The following CDH13 variants were observed in gnomAD, a reference collection of about 807,000 sequenced individuals.
CDH13 encodes cadherin 13.
A neutral mutation model predicts 63.8 loss-of-function variants in CDH13; 24 were observed. The ratio of observed to expected loss-of-function variants is 0.38; its 90% confidence interval spans 0.27 to 0.53. The LOEUF (loss-of-function observed/expected upper bound fraction) is 0.53, where lower values mean the gene tolerates loss of function less well. CDH13 is among the 20% of genes least tolerant of loss of function. The pLI, the probability that CDH13 is intolerant of heterozygous loss-of-function variation, is 0.85. For missense variants in CDH13, 1,049 were observed against 903.1 expected (o/e 1.16, Z -2.07); for synonymous variants, 503 against 355.3 (o/e 1.42, Z -4.67).
chr16:83,573,570 C>T (rs1904839542), intron 7 of CDH13, among the ~76,000 whole-genome samples: 1 of 152,110 alleles, frequency 6.6e-6, no homozygotes, highest in Admixed American at 6.5e-5. Context: ...CCTTGGGATC[C>T]TACTTAACAA....
chr16:83,768,011 AT>A (rs1338834266), intron 11 of CDH13, among the ~76,000 whole-genome samples: 5 of 152,216 alleles, frequency 3.3e-5, no homozygotes, highest in African/African-American at 1.2e-4. Context: ...TTAGAAAAAA[AT>A]ATTTTTAATC....
At chr16:83,233,857 T>C (rs1218580849) in intron 5 of CDH13, among the ~76,000 whole-genome samples, 1 of 152,202 alleles carries the variant, frequency 6.6e-6, no homozygotes, top group East Asian at 1.9e-4. Context: ...GAGGTGGGCA[T>C]CTCTGGGGGC....
At chr16:83,241,123 C>T (rs1158710862) in intron 5 of CDH13, among the ~76,000 whole-genome samples, 1 of 152,162 alleles carries the variant, frequency 6.6e-6, no homozygotes, top group Admixed American at 6.5e-5. Flanking sequence ...TTGCATAATG[C>T]ACTTGAGGTT....
intron 8 of CDH13, among the ~76,000 whole-genome samples, chr16:83,625,063 CA>C (rs1314144644): frequency 2.6e-5 from 4 of 152,152 alleles, no homozygotes; most frequent in Non-Finnish European, 5.9e-5. Context: ...ACACAAGCTA[CA>C]AATCAGGGCT....
chr16:83,335,344 A>T lies in CDH13; in HGVS notation c.637-9518A>T, dbSNP rs781562869. 3.9e-5 allele frequency among the ~76,000 whole-genome samples: 6 copies of T among 152,156 alleles called. No individual in the cohort carries two copies. The South Asian group carries it at 1.2e-3, about 32-fold the overall frequency. The stretch of plus-strand genomic sequence containing the variant: ...TTAACTTTTCTTTATCTGGGGGCAA[A>T]TGCTGGCATGTTATTTTTCATGTGC... On this transcript the variant is annotated intron_variant, in intron 5 of 13. Transcript: ENST00000567109.
chr16:83,598,185 G>A (rs889366431), intron 7 of CDH13, among the ~76,000 whole-genome samples: 3 of 152,126 alleles, frequency 2.0e-5, no homozygotes, highest in Non-Finnish European at 4.4e-5. Flanking sequence ...GGGCAACATG[G>A]AGAGACCCTG....
intron 8 of CDH13, among the ~76,000 whole-genome samples, chr16:83,623,015 G>C (rs1424519431): frequency 1.3e-5 from 2 of 152,212 alleles, no homozygotes; most frequent in African/African-American, 4.8e-5. Context: ...CATGACCTAA[G>C]GGAAATGGAC....
At chr16:83,468,749 C>T (rs1255043254) in intron 6 of CDH13, among the ~76,000 whole-genome samples, 1 of 152,118 alleles carries the variant, frequency 6.6e-6, no homozygotes, top group Non-Finnish European at 1.5e-5. Context: ...AATCATCGTC[C>T]TGTGTAAAGT....
At chr16:82,987,626 T>A (rs1038477290) in intron 2 of CDH13, among the ~76,000 whole-genome samples, 1 of 152,130 alleles carries the variant, frequency 6.6e-6, no homozygotes, top group Non-Finnish European at 1.5e-5. Flanking sequence ...ATCTGCCCGC[T>A]TTGGCCTCCC....
At chr16:82,882,255 G>A (rs1296087653) in intron 2 of CDH13, among the ~76,000 whole-genome samples, 1 of 152,176 alleles carries the variant, frequency 6.6e-6, no homozygotes, top group Non-Finnish European at 1.5e-5. Context: ...CTAGTAGAGT[G>A]TTACTAGGCA....
intron 10 of CDH13, among the ~76,000 whole-genome samples, chr16:83,732,322 C>T (rs532356555): frequency 6.6e-6 from 1 of 151,998 alleles, no homozygotes; most frequent in Non-Finnish European, 1.5e-5. Flanking sequence ...AATGAACCAG[C>T]CAAGGGGAGA....
rs753955621 is a variant in CDH13 at position 83,170,991 on chromosome 16, C to T, written c.483+45490C>T. On this transcript the variant is annotated intron_variant, in intron 4 of 13. Coordinates refer to ENST00000567109, the MANE Select transcript of CDH13 (RefSeq NM_001257.5). ...CTCCCCATCAGTCTTTTTACCCGCC[C>T]GCCTCCTTTTTTTTGAGGGAAGCTG... Among the ~76,000 whole-genome samples the T allele has an allele frequency of 2.8e-4, 43 of 151,802 alleles. 1 individual carries two copies. The highest frequency in any genetic ancestry group is 5.4e-4 in the Non-Finnish European group (37 of 68,000).
chr16:82,806,437 C>A (rs188468505), intron 1 of CDH13, among the ~76,000 whole-genome samples: 1 of 152,244 alleles, frequency 6.6e-6, no homozygotes, highest in East Asian at 1.9e-4. Context: ...TGGGTTCTTA[C>A]AAAACAAAAC....
At chr16:83,506,876 C>G (rs528576824) in intron 7 of CDH13, among the ~76,000 whole-genome samples, 38 of 152,308 alleles carry the variant, frequency 2.5e-4, no homozygotes, top group Non-Finnish European at 4.3e-4. Context: ...GGAAGTAGAC[C>G]TTCTAGCCCC....
chr16:82,766,886 T>C (rs1206016791), intron 1 of CDH13, among the ~76,000 whole-genome samples: 1 of 152,190 alleles, frequency 6.6e-6, no homozygotes, highest in Admixed American at 6.5e-5. Context: ...TAATGTTTCA[T>C]TATAAAATTT....
intron 1 of CDH13, among the ~76,000 whole-genome samples, chr16:82,827,446 G>A (rs919897841): frequency 6.6e-6 from 1 of 152,152 alleles, no homozygotes; most frequent in Non-Finnish European, 1.5e-5. Context: ...CTCACCAAAT[G>A]ATGGGGAGAG....
rs118029082 is a variant in CDH13, at chr16:83,667,222, C to T, written c.1102-3568C>T. On this transcript the variant is annotated intron_variant, in intron 8 of 13. Transcript: ENST00000567109. Reference sequence around the variant, plus strand: ...TGCACATCTCTGAGAATTCCTAGCACATCAGCCCCTTTCCATTCTACTTGA... The same window carrying T: ...TGCACATCTCTGAGAATTCCTAGCATATCAGCCCCTTTCCATTCTACTTGA... 4.0e-4 allele frequency among the ~76,000 whole-genome samples: 61 copies of T among 152,256 alleles called. 1 individual carries two copies. The East Asian group carries it at 8.5e-3, about 21-fold the overall frequency.
At chr16:83,430,312 A>T in intron 6 of CDH13, among the ~76,000 whole-genome samples, 1 of 152,200 alleles carries the variant, frequency 6.6e-6, no homozygotes, top group Non-Finnish European at 1.5e-5. Context: ...GTAAAAGACA[A>T]TGGAGAAATA....
intron 2 of CDH13, among the ~76,000 whole-genome samples, chr16:82,896,883 G>A (rs1035953550): frequency 2.1e-5 from 3 of 140,528 alleles, no homozygotes; most frequent in Admixed American, 7.8e-5. Flanking sequence ...CAGGTTCACA[G>A]CATTCTCCTG....
Sources: allele counts gnomAD v4.1 joint callset (sites outside exome capture counted in the v4.1 genomes callset), GRCh38; gene constraint gnomAD v4.1.1; transcripts MANE v1.5; gene names NCBI Gene and HGNC (gene_info 2026-07-23, HGNC 2026-07-21).